The following AGO1 variants were observed in gnomAD, a reference collection of about 807,000 sequenced individuals.
AGO1 encodes the protein argonaute RISC component 1.
AGO1 carries 11 observed loss-of-function variants against 109.2 expected under a neutral mutation model. That is an observed-to-expected ratio of 0.10 (90% CI 0.06 to 0.17). The LOEUF is 0.17. Ranked by LOEUF, AGO1 falls within the 10% of genes least tolerant of loss-of-function variation. AGO1 has a pLI of 1.00. For synonymous variants in AGO1, 422 were observed against 418.6 expected, an observed-to-expected ratio of 1.01 and a Z score of -0.10; for missense variants, 574 against 1,140.3, an observed-to-expected ratio of 0.50 and a Z score of 7.15.
At position 35,901,343 on chromosome 1, in the gene AGO1, T is replaced by G. The variant is rs533030661; in HGVS notation, c.1021-131T>G. 2 of 1,097,594 alleles carry G rather than the reference T, an allele frequency of 1.8e-6. No individual in the cohort carries two copies. Among genetic ancestry groups the G allele is most frequent in the African/African-American group, 1.6e-5 (1 of 63,518 alleles). 68.0% of individuals were successfully genotyped at this position (1,097,594 alleles called of 1,614,324 possible). A position where few individuals can be genotyped will look rare whatever the true frequency, so the allele number is the denominator to read the frequency against. On this transcript the variant is annotated intron_variant, in intron 8 of 18. Coordinates refer to ENST00000373204, the MANE Select transcript of AGO1 (RefSeq NM_012199.5). This position sits in a 1 kb window ranked among gnomAD's most constrained non-coding sequence, Gnocchi z 4.8. ...AAATGATACTCAGGAGGAGAATACA[T>G]GTATGCACAACGGATTTTGCAGTTC... is the stretch of plus-strand genomic sequence containing the variant.
intron 1 of AGO1, among the ~76,000 whole-genome samples, chr1:35,887,637 C>T (rs1036212587): frequency 3.3e-5 from 5 of 152,204 alleles, no homozygotes; most frequent in East Asian, 1.9e-4. Flanking sequence ...TTCCCAAACC[C>T]GTTAGTTCTT....
intron 1 of AGO1, among the ~76,000 whole-genome samples, chr1:35,885,371 C>CA (rs950931207): frequency 2.0e-5 from 3 of 152,012 alleles, no homozygotes; most frequent in Non-Finnish European, 4.4e-5. Context: ...AAATTTGTTA[C>CA]AAAAAATAAG....
rs894824947 is a variant in AGO1 at position 35,893,390 on chromosome 1, T to C, written c.512+112T>C. Reference sequence around the variant, plus strand: ...GAGTGCCATTAAAAAAAAAAATTATTTGAAGCCCTACCACTTGCCAGGCAA... The same window carrying C: ...GAGTGCCATTAAAAAAAAAAATTATCTGAAGCCCTACCACTTGCCAGGCAA... On this transcript the variant is annotated intron_variant, in intron 4 of 18. Transcript: ENST00000373204. The surrounding 1 kb of genome is among the most constrained non-coding windows in gnomAD (Gnocchi z 5.6). The C allele has an allele frequency of 5.7e-5, 68 of 1,199,914 alleles. No individual in the cohort carries two copies. The highest frequency in any genetic ancestry group is 7.4e-5 in the Non-Finnish European group (64 of 865,640). 74.3% of individuals were successfully genotyped at this position (1,199,914 alleles called of 1,614,324 possible).
At chr1:35,905,236 A>G (rs1339309536) in intron 11 of AGO1, among the ~76,000 whole-genome samples, 3 of 152,220 alleles carry the variant, frequency 2.0e-5, no homozygotes, top group East Asian at 1.9e-4. Context: ...TTGCAGTTGT[A>G]TACAGGGCAG....
rs1025290922 is a variant in AGO1, at chr1:35,900,835, G to A, written c.1021-639G>A. ...TAAGGCAGGAGAATTGCTTAAACCC[G>A]GGAGGCAGATGTCTCTGAGCCGAGA... On this transcript the variant is annotated intron_variant, in intron 8 of 18. Coordinates refer to ENST00000373204, the MANE Select transcript of AGO1 (RefSeq NM_012199.5). 4.6e-5 allele frequency among the ~76,000 whole-genome samples: 7 copies of A among 152,088 alleles called. No individual in the cohort carries two copies. The South Asian group carries it at 6.3e-4, about 14-fold the overall frequency.
intron 17 of AGO1, 42 bp downstream of exon 17, chr1:35,918,465 A>C: frequency 6.9e-7 from 1 of 1,456,854 alleles, no homozygotes; most frequent in Non-Finnish European, 9.6e-7. Flanking sequence ...GTCAAAGATG[A>C]GTTGTTCATT....
intron 15 of AGO1, 102 bp downstream of exon 15, chr1:35,915,644 TAGTG>T: frequency 9.0e-7 from 1 of 1,110,548 alleles, no homozygotes; most frequent in Non-Finnish European, 1.3e-6. Context: ...TGTCACTTCT[TAGTG>T]AGCTTTGCTA....
At position 35,925,288 on chromosome 1, in the gene AGO1, G is replaced by T. The variant is rs1351045545; in HGVS notation, c.*5681G>T. On this transcript the variant is annotated 3_prime_UTR_variant, in exon 19 of 19. Coordinates refer to ENST00000373204, the MANE Select transcript of AGO1 (RefSeq NM_012199.5). Reference sequence around the variant, plus strand: ...CTTACGTTATTCTCCAGTATTTCTTGAAAATGAGCATTGGAAAAACCAATT... The same window carrying T: ...CTTACGTTATTCTCCAGTATTTCTTTAAAATGAGCATTGGAAAAACCAATT... The T allele has an allele frequency of 6.6e-6, 1 of 150,786 alleles. No homozygotes were observed. Among genetic ancestry groups the T allele is most frequent in the Non-Finnish European group, 1.5e-5 (1 of 67,826 alleles). 9.3% of individuals were successfully genotyped at this position (150,786 alleles called of 1,614,324 possible).
chr1:35,878,209 G>A (rs1250266946), upstream of AGO1, among the ~76,000 whole-genome samples: 12 of 151,566 alleles, frequency 7.9e-5, no homozygotes, highest in Non-Finnish European at 1.8e-4. Flanking sequence ...TCAGCCTCCC[G>A]AGCAGCTGGG....
At chr1:35,913,108 C>T (rs563840522) in intron 12 of AGO1, among the ~76,000 whole-genome samples, 76 of 151,960 alleles carry the variant, frequency 5.0e-4, no homozygotes, top group Middle Eastern at 3.4e-3. Context: ...CAAGCTCCAC[C>T]TCCCGGGTTC....
chr1:35,897,082 A>G (rs183933804), intron 8 of AGO1, among the ~76,000 whole-genome samples: 112 of 152,258 alleles, frequency 7.4e-4, no homozygotes, highest in African/African-American at 2.5e-3. Context: ...GGAGATTAAC[A>G]AGACAGACAA....
chr1:35,913,265 C>T lies in AGO1; in HGVS notation c.1583-577C>T, dbSNP rs150789025. Among the ~76,000 whole-genome samples the T allele has an allele frequency of 7.2e-3, 1,101 of 152,124 alleles. 19 individuals carry two copies. Among genetic ancestry groups the T allele is most frequent in the African/African-American group, 0.024 (984 of 41,496 alleles). On this transcript the variant is annotated intron_variant, in intron 12 of 18. Coordinates refer to ENST00000373204, the MANE Select transcript of AGO1 (RefSeq NM_012199.5). The stretch of plus-strand genomic sequence containing the variant: ...CAATCTCCTGACCTCATGATCCACC[C>T]GCCTCGGCCTCCCAAAGTGCTGGGA...
chr1:35,907,185 C>G, intron 12 of AGO1, 66 bp downstream of exon 12: 1 of 1,431,126 alleles, frequency 7.0e-7, no homozygotes, highest in Non-Finnish European at 9.3e-7. Context: ...CCTGGGGTCT[C>G]CTGGGAAGGA....
intron 11 of AGO1, among the ~76,000 whole-genome samples, chr1:35,905,187 C>G (rs751564541): frequency 2.0e-5 from 3 of 152,110 alleles, no homozygotes; most frequent in Non-Finnish European, 2.9e-5. Flanking sequence ...ACCCACTATT[C>G]ATGAAATCTG....
intron 1 of AGO1, among the ~76,000 whole-genome samples, chr1:35,870,318 C>T (rs1209050920): frequency 6.6e-6 from 1 of 151,680 alleles, no homozygotes; most frequent in African/African-American, 2.4e-5. Flanking sequence ...GAGTCTCACT[C>T]TGTCGCCCAG....
At chr1:35,912,852 G>A (rs1001739650) in intron 12 of AGO1, among the ~76,000 whole-genome samples, 1 of 152,168 alleles carries the variant, frequency 6.6e-6, no homozygotes, top group Non-Finnish European at 1.5e-5. Flanking sequence ...GATTACAGGC[G>A]TAAGCCACCG....
chr1:35,880,867 C>A (rs1645029440), upstream of AGO1, among the ~76,000 whole-genome samples: 1 of 151,936 alleles, frequency 6.6e-6, no homozygotes, highest in Non-Finnish European at 1.5e-5. Context: ...ACCATGTTGG[C>A]CAGGCTGGTC....
chr1:35,921,631 G>A lies in AGO1; in HGVS notation c.*2024G>A, dbSNP rs1645835761. 6.6e-6 allele frequency: 1 copy of A among 152,660 alleles called. No individual in the cohort carries two copies. The highest frequency in any genetic ancestry group is 2.1e-4 in the South Asian group (1 of 4,832). The allele number at this position is 152,660 out of a possible 1,614,324, so 9.5% of individuals were successfully genotyped here. A position where few individuals can be genotyped will look rare whatever the true frequency, so the allele number is the denominator to read the frequency against. ...CCATTTCCTCCCCTTAGCTGCCCTTGTATGACCCGGATTTGCTATGCAAAA... is the reference window on the plus strand; with the variant it reads ...CCATTTCCTCCCCTTAGCTGCCCTTATATGACCCGGATTTGCTATGCAAAA... On this transcript the variant is annotated 3_prime_UTR_variant, in exon 19 of 19. Coordinates refer to ENST00000373204, the MANE Select transcript of AGO1 (RefSeq NM_012199.5).
chr1:35,893,204 C>G lies in AGO1; in HGVS notation c.438C>G (p.Val146=), dbSNP rs750019410. Residue 146 remains valine (V), a synonymous_variant, in exon 4 of 19, where the codon GTC becomes GTG. Coordinates refer to ENST00000373204, the MANE Select transcript of AGO1 (RefSeq NM_012199.5). The surrounding 1 kb of genome is among the most constrained non-coding windows in gnomAD (Gnocchi z 5.6). The part of the protein sequence containing the change: ...VSWRMLHEAL[V]SGQIPVPLES... ...GGCGAATGCTGCATGAGGCCCTGGT[C>G]AGCGGCCAGATCCCTGTTCCCTTGG... is the stretch of plus-strand genomic sequence containing the variant. 6.2e-7 allele frequency: 1 copy of G among 1,614,118 alleles called. No individual in the cohort carries two copies. Among genetic ancestry groups the G allele is most frequent in the Non-Finnish European group, 8.5e-7 (1 of 1,180,024 alleles).
Sources: gnomAD v4.1 joint callset for allele counts (sites outside exome capture counted in the v4.1 genomes callset) on GRCh38, gnomAD v4.1.1 for gene constraint, Gnocchi (gnomAD v3.1) non-coding constraint, MANE v1.5 for transcripts, NCBI Gene and HGNC (gene_info 2026-07-23, HGNC 2026-07-21) for gene names.